Variants in PRKCH observed in about 807,000 individuals in gnomAD.
PRKCH encodes protein kinase C eta, also known as protein kinase C eta type.
A neutral mutation model predicts 82.5 loss-of-function variants in PRKCH; 28 were observed. The observed-to-expected ratio is 0.34, with a 90% CI of 0.25 to 0.47. PRKCH has a LOEUF of 0.47. Ranked by LOEUF, PRKCH falls within the 20% of genes least tolerant of loss-of-function variation. The probability of loss-of-function intolerance (pLI) is 1.00; values close to 1 mark genes in which losing one functional copy is unlikely to be tolerated. For synonymous variants in PRKCH, 322 were observed against 327.4 expected (o/e 0.98, Z 0.18); for missense variants, 705 against 881.8 (o/e 0.80, Z 2.54).
chr14:61,221,264 T>C (rs2044654131), intron 1 of PRKCH, among the ~76,000 whole-genome samples: 1 of 152,186 alleles, frequency 6.6e-6, no homozygotes, highest in Admixed American at 6.5e-5. Context: ...ATTTGCTTCA[T>C]GGAACTTGTC....
intron 10 of PRKCH, chr14:61,525,771 G>A (rs933422080): frequency 1.3e-5 from 2 of 152,218 alleles, no homozygotes; most frequent in African/African-American, 2.4e-5. Context: ...TACTGGCTTC[G>A]GGAAAATTCA....
In PRKCH at chr14:61,194,780, C is replaced by A. The variant is rs556658225; in HGVS notation, c.-19+7112C>A. Among the ~76,000 whole-genome samples the A allele has an allele frequency of 2.0e-5, 3 of 152,284 alleles. No homozygotes were observed. The South Asian group carries it at 6.2e-4, about 32-fold the overall frequency. ...TGGAGTCTTGCTCTCATCGCCCAGG[C>A]TTGAGTGCAATGGGGCGACCTCGGC... On this transcript the variant is annotated intron_variant, in intron 1 of 3. Transcript: ENST00000555185.
intron 1 of PRKCH, among the ~76,000 whole-genome samples, chr14:61,267,238 A>G (rs2045111075): frequency 6.6e-6 from 1 of 152,214 alleles, no homozygotes; most frequent in Non-Finnish European, 1.5e-5. Context: ...ACTATGATTT[A>G]TATGTGGTCA....
intron 1 of PRKCH, among the ~76,000 whole-genome samples, chr14:61,268,024 T>C (rs80328318): frequency 0.029 from 4,354 of 152,314 alleles, 115 homozygotes; most frequent in East Asian, 0.07. Context: ...TGCTAAGATT[T>C]TCCTAAAATT....
intron 10 of PRKCH, among the ~76,000 whole-genome samples, chr14:61,528,219 G>A (rs1041337398): frequency 6.1e-5 from 9 of 146,656 alleles, no homozygotes; most frequent in African/African-American, 2.3e-4. Context: ...TTAGAGACAG[G>A]GTCTCACCCT....
chr14:61,466,304 C>T lies in PRKCH; in HGVS notation c.1278+8625C>T, dbSNP rs117130267. 2.6e-4 allele frequency among the ~76,000 whole-genome samples: 40 copies of T among 152,306 alleles called. No individual in the cohort carries two copies. In the East Asian group the frequency reaches 4.8e-3, roughly 18 times the overall value. Reference sequence around the variant, plus strand: ...CCCTGGTCTCTCAGAACCTGGGATACGGCCTAGTACATGCTGTCTCCCTGA... The same window carrying T: ...CCCTGGTCTCTCAGAACCTGGGATATGGCCTAGTACATGCTGTCTCCCTGA... On this transcript the variant is annotated intron_variant, in intron 9 of 13. Transcript: ENST00000332981.
intron 1 of PRKCH, among the ~76,000 whole-genome samples, chr14:61,268,592 C>T (rs1454234406): frequency 4.6e-5 from 7 of 152,050 alleles, no homozygotes; most frequent in Non-Finnish European, 1.0e-4. Context: ...CACTTGAACC[C>T]GGGAGGCGGA....
At position 61,188,597 on chromosome 14, in the gene PRKCH, T is replaced by TC. The variant is rs1566774133; in HGVS notation, c.-19+929_-19+930insC. ...GTAGTGTGTGTGTGTGTCGGGGGGG[T>TC]GGGGGGGTGGTGTGGTGTGTGTGTG... is the stretch of plus-strand genomic sequence containing the variant. On this transcript the variant is annotated intron_variant, in intron 1 of 3. Coordinates refer to the PRKCH transcript ENST00000555185. Among the ~76,000 whole-genome samples the TC allele has an allele frequency of 2.3e-3, 91 of 39,632 alleles. 12 individuals carry two copies. The highest frequency in any genetic ancestry group is 7.0e-3 in the African/African-American group (81 of 11,578). The allele number at this position is 39,632 out of a possible 152,430, so 26.0% of individuals were successfully genotyped here. A position where few individuals can be genotyped will look rare whatever the true frequency, so the allele number is the denominator to read the frequency against.
intron 1 of PRKCH, among the ~76,000 whole-genome samples, chr14:61,297,889 C>T (rs532910198): frequency 1.2e-4 from 19 of 152,266 alleles, no homozygotes; most frequent in East Asian, 1.2e-3. Context: ...ACAAATAGGA[C>T]GCAAATTCAT....
chr14:61,501,999 AT>A (rs1886929756), intron 10 of PRKCH, among the ~76,000 whole-genome samples: 1 of 151,600 alleles, frequency 6.6e-6, no homozygotes, highest in Non-Finnish European at 1.5e-5. Flanking sequence ...CTTTAGAGAG[AT>A]GAAATCTAAA....
intron 9 of PRKCH, among the ~76,000 whole-genome samples, chr14:61,460,094 A>G (rs754859492): frequency 5.3e-5 from 8 of 152,106 alleles, no homozygotes; most frequent in Non-Finnish European, 8.8e-5. Flanking sequence ...CAATCCACCC[A>G]CCTCAGTCAC....
chr14:61,251,195 C>T (rs949561297), intron 1 of PRKCH, among the ~76,000 whole-genome samples: 1 of 152,160 alleles, frequency 6.6e-6, no homozygotes. Flanking sequence ...AAGCGTTTAT[C>T]CTTTGTGTTA....
At position 61,272,340 on chromosome 14, in the gene PRKCH, C is replaced by CTTTTTTTTTTTTTTTTTTTTTTTTTTTT. The variant is rs1335053986; in HGVS notation, c.-19+84675_-19+84676insTTTTTTTTTTTTTTTTTTTTTTTTTTTT. The stretch of plus-strand genomic sequence containing the variant: ...TAGATTTCTTTTTCTTTTCTTTTTT[C>CTTTTTTTTTTTTTTTTTTTTTTTTTTTT]TTTCTTTTTTTTTTTTTTTTTTTTT... On this transcript the variant is annotated intron_variant, in intron 1 of 3. Coordinates refer to the PRKCH transcript ENST00000555185. Among the ~76,000 whole-genome samples the CTTTTTTTTTTTTTTTTTTTTTTTTTTTT allele has an allele frequency of 2.0e-5, 2 of 97,838 alleles. 1 individual carries two copies. Among genetic ancestry groups the CTTTTTTTTTTTTTTTTTTTTTTTTTTTT allele is most frequent in the Non-Finnish European group, 3.8e-5 (2 of 52,830 alleles). 64.2% of individuals were successfully genotyped at this position (97,838 alleles called of 152,430 possible).
Position 61,389,533 on chromosome 14 carries a change from A to G in PRKCH, c.364-1692A>G, listed in dbSNP as rs114085990. On this transcript the variant is annotated intron_variant, in intron 1 of 13. Coordinates refer to ENST00000332981, the MANE Select transcript of PRKCH (RefSeq NM_006255.5). ...AGACCTTGTCTCTACATACATACAT[A>G]CATACCTAGATAAGCAGGCAAGCTG... Among the ~76,000 whole-genome samples the G allele has an allele frequency of 7.8e-3, 1,184 of 151,698 alleles. 15 individuals carry two copies. The highest frequency in any genetic ancestry group is 0.027 in the African/African-American group (1,128 of 41,326).
At chr14:61,220,142 A>G (rs2044644400) in intron 1 of PRKCH, among the ~76,000 whole-genome samples, 1 of 152,290 alleles carries the variant, frequency 6.6e-6, no homozygotes, top group Middle Eastern at 3.4e-3. Context: ...TCCCAAACCA[A>G]ATCTGCTCCT....
chr14:61,189,865 A>AT (rs2044396658), intron 1 of PRKCH, among the ~76,000 whole-genome samples: 1 of 152,000 alleles, frequency 6.6e-6, no homozygotes, highest in South Asian at 2.1e-4. Flanking sequence ...CCCCTGAGAT[A>AT]TTTTTTATAT....
intron 7 of PRKCH, 62 bp downstream of exon 7, chr14:61,453,415 A>G (rs931290058): frequency 1.3e-6 from 2 of 1,561,620 alleles, no homozygotes; most frequent in African/African-American, 2.7e-5. Flanking sequence ...TGATGAGCCC[A>G]AATGAGAGCA....
chr14:61,248,091 T>G (rs1170339715), intron 1 of PRKCH, among the ~76,000 whole-genome samples: 1 of 152,026 alleles, frequency 6.6e-6, no homozygotes. Context: ...ACGAAATGAG[T>G]CAAACATACC....
rs191108715 is a variant in PRKCH, at chr14:61,378,530, A to C, written c.364-12695A>C. ...ACTGAATAGTGCTTTTGATGTTGCC[A>C]CTGACCTATTCAGTTGAGACCGCAT... On this transcript the variant is annotated intron_variant, in intron 1 of 13. Transcript: ENST00000332981. Among the ~76,000 whole-genome samples the C allele has an allele frequency of 5.9e-5, 9 of 152,248 alleles. No homozygotes were observed. In the East Asian group the frequency reaches 1.7e-3, roughly 29 times the overall value.
Sources: gnomAD v4.1 joint callset for allele counts (sites outside exome capture counted in the v4.1 genomes callset) on GRCh38, gnomAD v4.1.1 for gene constraint, MANE v1.5 for transcripts, NCBI Gene and HGNC (gene_info 2026-07-23, HGNC 2026-07-21) for gene names.